KLRG1: variants seen among roughly 807,000 people sequenced by gnomAD.
KLRG1 encodes killer cell lectin like receptor G1.
A neutral mutation model predicts 21.8 loss-of-function variants in KLRG1; 16 were observed. The observed-to-expected ratio is 0.73, with a 90% CI of 0.50 to 1.11. The LOEUF (loss-of-function observed/expected upper bound fraction) is 1.11. Ranked by LOEUF, KLRG1 falls within the 50% of genes most tolerant of loss-of-function variation. The pLI is 0.00. For missense variants in KLRG1, 173 were observed against 218.3 expected (o/e 0.79, Z 1.31); for synonymous variants, 69 against 75.9 (o/e 0.91, Z 0.47).
At chr12:9,149,717 A>G in the KLRG1 span, 245,562 of 870,684 alleles carry the variant, frequency 0.28, 37,458 homozygotes, top group Admixed American at 0.34. Flanking sequence ...AGAATTGTCA[A>G]AACTTCATGT....
chr12:8,964,733 A>G (rs1432078735), intron 1 of KLRG1, among the ~76,000 whole-genome samples: 1 of 150,708 alleles, frequency 6.6e-6, no homozygotes, highest in Non-Finnish European at 1.5e-5. Flanking sequence ...TATTGGGTGC[A>G]TATATATTTA....
chr12:9,134,921 A>G, the KLRG1 span, among the ~76,000 whole-genome samples: 2 of 152,068 alleles, frequency 1.3e-5, no homozygotes, highest in Admixed American at 6.5e-5. Context: ...TTTTTACTCT[A>G]ATGAAAGAAA....
the KLRG1 span, among the ~76,000 whole-genome samples, chr12:9,055,065 T>C: frequency 6.6e-6 from 1 of 152,322 alleles, no homozygotes; most frequent in East Asian, 1.9e-4. Flanking sequence ...GTCACACACA[T>C]AAAACTGATA....
the KLRG1 span, among the ~76,000 whole-genome samples, chr12:9,029,707 A>T: frequency 6.6e-6 from 1 of 150,388 alleles, no homozygotes; most frequent in South Asian, 2.1e-4. Context: ...CCTGCTTGGG[A>T]TTTTACTTGT....
At chr12:9,148,895 A>C in the KLRG1 span, 4 of 1,293,526 alleles carry the variant, frequency 3.1e-6, no homozygotes, top group Non-Finnish European at 4.4e-6. Context: ...TCTATTTTAT[A>C]GAGACAAATA....
the KLRG1 span, among the ~76,000 whole-genome samples, chr12:9,137,088 C>T: frequency 6.6e-6 from 1 of 152,030 alleles, no homozygotes; most frequent in Admixed American, 6.6e-5. Context: ...GTGTCATATC[C>T]AAGAAATCAT....
the KLRG1 span, chr12:9,106,701 C>A: frequency 1.7e-6 from 1 of 579,414 alleles, no homozygotes; most frequent in Non-Finnish European, 3.0e-6. Flanking sequence ...GGGGGGACAA[C>A]ATCATGTAGG....
At chr12:9,140,600 G>A in the KLRG1 span, among the ~76,000 whole-genome samples, 2 of 152,294 alleles carry the variant, frequency 1.3e-5, no homozygotes, top group South Asian at 4.1e-4. Flanking sequence ...CTTTTAAACT[G>A]GCATTGATGG....
chr12:9,103,376 T>A, the KLRG1 span, among the ~76,000 whole-genome samples: 19 of 152,148 alleles, frequency 1.2e-4, no homozygotes, highest in Admixed American at 7.9e-4. Flanking sequence ...CTTTATCTGA[T>A]TCAGATTCTG....
chr12:9,185,790 A>AATTCTTTTCTTTTCTTTTCTTTTCT, the KLRG1 span, among the ~76,000 whole-genome samples: 7 of 134,320 alleles, frequency 5.2e-5, no homozygotes, highest in Non-Finnish European at 1.1e-4. Context: ...TATGTTCAAC[A>AATTCTTTTCTTTTCTTTTCTTTTCT]TTTCTTTTCT....
At chr12:9,091,228 G>T in the KLRG1 span, 1 of 1,614,060 alleles carries the variant, frequency 6.2e-7, no homozygotes, top group Non-Finnish European at 8.5e-7. Context: ...GGTAGTTTAG[G>T]ACCGTGGCCT....
At chr12:9,027,659 CT>C in the KLRG1 span, 1 of 942,402 alleles carries the variant, frequency 1.1e-6, no homozygotes, top group Non-Finnish European at 1.7e-6. Context: ...AGATTCTTCC[CT>C]TCATGGGTCC....
the KLRG1 span, among the ~76,000 whole-genome samples, chr12:9,132,959 C>T: frequency 4.1e-4 from 63 of 152,220 alleles, no homozygotes; most frequent in South Asian, 5.8e-3. Flanking sequence ...ACTGGTATAG[C>T]TAAACTAATA....
chr12:9,032,879 C>T, the KLRG1 span, among the ~76,000 whole-genome samples: 1 of 152,276 alleles, frequency 6.6e-6, no homozygotes, highest in Non-Finnish European at 1.5e-5. Context: ...TGATTTTACC[C>T]CAATCAATCA....
chr12:8,959,763 T>C lies in KLRG1; in HGVS notation c.-156+9527T>C, dbSNP rs184917309. The stretch of plus-strand genomic sequence containing the variant: ...GAGGACTTACGTGTCTTTCGTTACA[T>C]TTGTCCTGAAGTGCTTTATTTTTTG... On this transcript the variant is annotated intron_variant, in intron 1 of 4. Coordinates refer to the KLRG1 transcript ENST00000539240. Among the ~76,000 whole-genome samples, 640 of 152,326 alleles carry C rather than the reference T, an allele frequency of 4.2e-3. 5 individuals are homozygous for C. Among genetic ancestry groups the C allele is most frequent in the African/African-American group, 0.014 (598 of 41,574 alleles).
At chr12:9,208,872 T>A in the KLRG1 span, among the ~76,000 whole-genome samples, 35 of 152,218 alleles carry the variant, frequency 2.3e-4, no homozygotes, top group East Asian at 6.8e-3. Flanking sequence ...GAGTAGAGGA[T>A]CAATGAAAGA....
chr12:9,200,710 T>G, the KLRG1 span, among the ~76,000 whole-genome samples: 1 of 152,204 alleles, frequency 6.6e-6, no homozygotes, highest in Non-Finnish European at 1.5e-5. Context: ...AAGCGTAATT[T>G]GCTACTGAAA....
the KLRG1 span, among the ~76,000 whole-genome samples, chr12:9,180,233 T>C: frequency 4.6e-3 from 695 of 152,250 alleles, 27 homozygotes; most frequent in Admixed American, 0.042. Flanking sequence ...CGCAAGGTAA[T>C]TTACAGATTC....
chr12:9,073,349 T>C, the KLRG1 span, among the ~76,000 whole-genome samples: 1 of 152,226 alleles, frequency 6.6e-6, no homozygotes, highest in Admixed American at 6.5e-5. Flanking sequence ...ATGCTTCAGT[T>C]TCTCCAAAAG....
Sources: gnomAD v4.1 joint callset for allele counts (sites outside exome capture counted in the v4.1 genomes callset) on GRCh38, gnomAD v4.1.1 for gene constraint, MANE v1.5 for transcripts, NCBI Gene and HGNC (gene_info 2026-07-23, HGNC 2026-07-21) for gene names.